CCDC192: variants seen among roughly 807,000 people sequenced by gnomAD.
CCDC192 encodes the protein coiled-coil domain containing 192.
At chr5:127,787,423 G>A (rs1264810016) in intron 3 of CCDC192, among the ~76,000 whole-genome samples, 2 of 152,250 alleles carry the variant, frequency 1.3e-5, no homozygotes, top group Admixed American at 1.3e-4. Flanking sequence ...GTTTTTGTAT[G>A]CTATGTTTTG....
intron 6 of CCDC192, among the ~76,000 whole-genome samples, chr5:127,902,572 C>T (rs904425233): frequency 2.0e-5 from 3 of 152,140 alleles, no homozygotes; most frequent in African/African-American, 7.2e-5. Flanking sequence ...AGACATATAT[C>T]ATATTTGGCA....
At chr5:127,937,570 A>G (rs994653940) in intron 6 of CCDC192, among the ~76,000 whole-genome samples, 2 of 152,206 alleles carry the variant, frequency 1.3e-5, no homozygotes, top group African/African-American at 4.8e-5. Flanking sequence ...CTGATCTGAG[A>G]CTTCCAGCCC....
At chr5:127,722,389 A>AT (rs1407950814) in intron 2 of CCDC192, among the ~76,000 whole-genome samples, 1 of 150,538 alleles carries the variant, frequency 6.6e-6, no homozygotes, top group Non-Finnish European at 1.5e-5. Flanking sequence ...GTTTGCAAAT[A>AT]TTTTCTCCCA....
intron 2 of CCDC192, among the ~76,000 whole-genome samples, chr5:127,753,525 G>C (rs1203948777): frequency 6.6e-6 from 1 of 151,940 alleles, no homozygotes; most frequent in African/African-American, 2.4e-5. Context: ...GGGAATCCAC[G>C]TCTCTACTAA....
intron 3 of CCDC192, among the ~76,000 whole-genome samples, chr5:127,772,468 A>AC (rs1366565257): frequency 7.2e-5 from 9 of 125,716 alleles, no homozygotes; most frequent in African/African-American, 2.7e-4. Flanking sequence ...CTCTGTCACA[A>AC]AAAAAAAAAA....
intron 2 of CCDC192, among the ~76,000 whole-genome samples, chr5:127,714,230 G>T (rs925195330): frequency 3.9e-5 from 6 of 152,024 alleles, no homozygotes; most frequent in African/African-American, 1.4e-4. Context: ...ATTTTCTTTA[G>T]TCACTCATCC....
intron 1 of CCDC192, among the ~76,000 whole-genome samples, chr5:127,707,391 G>A (rs1751031291): frequency 7.4e-6 from 1 of 135,736 alleles, no homozygotes; most frequent in African/African-American, 2.9e-5. Flanking sequence ...AGGAGGTTAT[G>A]CTTTCCTCTC....
At chr5:127,734,798 T>C (rs1752872286) in intron 2 of CCDC192, among the ~76,000 whole-genome samples, 1 of 151,586 alleles carries the variant, frequency 6.6e-6, no homozygotes, top group Admixed American at 6.6e-5. Context: ...TGTAAATTTG[T>C]TTGAGTTTGT....
At chr5:127,717,942 A>AG (rs1180834946) in intron 2 of CCDC192, among the ~76,000 whole-genome samples, 6 of 151,034 alleles carry the variant, frequency 4.0e-5, no homozygotes, top group Non-Finnish European at 3.0e-5. Context: ...AAAAAAAAAA[A>AG]AAAGAAAACA....
At chr5:127,709,560 GT>G (rs1180649900) in intron 2 of CCDC192, among the ~76,000 whole-genome samples, 1 of 152,124 alleles carries the variant, frequency 6.6e-6, no homozygotes. Flanking sequence ...TGTCAGTGTA[GT>G]TCATTTTACC....
intron 5 of CCDC192, among the ~76,000 whole-genome samples, chr5:127,800,302 G>T (rs1757411854): frequency 7.6e-6 from 1 of 131,454 alleles, no homozygotes; most frequent in African/African-American, 2.9e-5. Context: ...TTAGAGATCT[G>T]TAGTGTTTTA....
intron 3 of CCDC192, among the ~76,000 whole-genome samples, chr5:127,793,846 T>C (rs538188818): frequency 6.6e-6 from 1 of 152,308 alleles, no homozygotes; most frequent in Admixed American, 6.5e-5. Context: ...AGCATATCCG[T>C]AGAATACTTT....
chr5:127,776,049 C>T (rs1755838918), intron 3 of CCDC192, among the ~76,000 whole-genome samples: 1 of 152,158 alleles, frequency 6.6e-6, no homozygotes, highest in Non-Finnish European at 1.5e-5. Context: ...CCATTAGTGA[C>T]TTGCTGCTGT....
chr5:127,892,151 T>C (rs1394713721), intron 6 of CCDC192, among the ~76,000 whole-genome samples: 1 of 152,240 alleles, frequency 6.6e-6, no homozygotes, highest in African/African-American at 2.4e-5. Flanking sequence ...GTTACAATAA[T>C]TATCATTTGA....
intron 6 of CCDC192, among the ~76,000 whole-genome samples, chr5:127,914,656 C>A (rs1440523845): frequency 1.3e-5 from 2 of 152,154 alleles, no homozygotes; most frequent in Admixed American, 1.3e-4. Flanking sequence ...AGATGGAAGA[C>A]TTTGATTTGG....
intron 3 of CCDC192, among the ~76,000 whole-genome samples, chr5:127,792,992 A>T (rs933791518): frequency 1.3e-5 from 2 of 152,226 alleles, no homozygotes; most frequent in African/African-American, 4.8e-5. Flanking sequence ...ATTTCAAGCT[A>T]CTATAACAAA....
At chr5:127,932,306 G>A (rs1177796657) in intron 6 of CCDC192, among the ~76,000 whole-genome samples, 1 of 152,072 alleles carries the variant, frequency 6.6e-6, no homozygotes, top group Non-Finnish European at 1.5e-5. Context: ...TCAAGTTCAA[G>A]TGATACTCCC....
intron 5 of CCDC192, among the ~76,000 whole-genome samples, chr5:127,823,595 T>C (rs1298408388): frequency 6.6e-6 from 1 of 152,208 alleles, no homozygotes; most frequent in Non-Finnish European, 1.5e-5. Flanking sequence ...AATAAATTTC[T>C]ATTTTCAAGC....
At chr5:127,742,126 G>T (rs752953470) in intron 2 of CCDC192, among the ~76,000 whole-genome samples, 1 of 152,158 alleles carries the variant, frequency 6.6e-6, no homozygotes, top group Non-Finnish European at 1.5e-5. Context: ...CTGGCAAATA[G>T]TGAGCCTTCA....
Sources: gnomAD v4.1 joint callset for allele counts (sites outside exome capture counted in the v4.1 genomes callset) on GRCh38, gnomAD v4.1.1 for gene constraint, MANE v1.5 for transcripts, NCBI Gene and HGNC (gene_info 2026-07-23, HGNC 2026-07-21) for gene names.